Variants in FAM131B observed in about 807,000 individuals in gnomAD.
FAM131B encodes family with sequence similarity 131 member B, also known as protein FAM131B.
FAM131B carries 19 observed loss-of-function variants against 42.0 expected under a neutral mutation model. The ratio of observed to expected loss-of-function variants is 0.45; its 90% CI spans 0.32 to 0.66. The LOEUF (loss-of-function observed/expected upper bound fraction) is 0.66. Ranked by LOEUF, FAM131B falls within the 30% of genes least tolerant of loss-of-function variation. The pLI is 0.05. For missense variants in FAM131B, 370 were observed against 468.4 expected (o/e 0.79, Z 1.94); for synonymous variants, 183 against 177.6 (o/e 1.03, Z -0.24).
Position 143,353,521 on chromosome 7 carries a change from A to T in FAM131B, c.*3029T>A, listed in dbSNP as rs1248531886. 6.6e-6 allele frequency: 1 copy of T among 152,418 alleles called. No individual in the cohort carries two copies. The highest frequency in any genetic ancestry group is 1.5e-5 in the Non-Finnish European group (1 of 68,064). The allele number at this position is 152,418 out of a possible 1,614,324, so 9.4% of individuals were successfully genotyped here. On this transcript the variant is annotated 3_prime_UTR_variant, in exon 7 of 7. Coordinates refer to ENST00000443739, the MANE Select transcript of FAM131B (RefSeq NM_001031690.3). ...CCTGGGTGGGGGACTGGCAGTGGGCATTTGAGCCCATGCCCTTGTGTACAT... is the reference window on the plus strand; with the variant it reads ...CCTGGGTGGGGGACTGGCAGTGGGCTTTTGAGCCCATGCCCTTGTGTACAT...
At chr7:143,357,239 C>G in intron 6 of FAM131B, 41 bp downstream of exon 6, 1 of 1,602,576 alleles carries the variant, frequency 6.2e-7, no homozygotes, top group African/African-American at 1.3e-5. Context: ...GTTGGGGAGG[C>G]CTCATAGGCT....
chr7:143,357,824 A>T (rs760154820), intron 5 of FAM131B, among the ~76,000 whole-genome samples: 18 of 152,234 alleles, frequency 1.2e-4, no homozygotes, highest in Non-Finnish European at 1.3e-4. Context: ...TGGACAGCAC[A>T]GCCTTTGTGT....
chr7:143,381,241 T>G, the FAM131B span: 1 of 1,016,548 alleles, frequency 9.8e-7, no homozygotes, highest in Non-Finnish European at 1.2e-6. Context: ...GGGCCGCTCC[T>G]TGTATGGTCT....
Position 143,362,709 on chromosome 7 carries a change from T to A in FAM131B, c.-106A>T. On this transcript the variant is annotated 5_prime_UTR_variant, in exon 1 of 7. Coordinates refer to ENST00000443739, the MANE Select transcript of FAM131B (RefSeq NM_001031690.3). This position sits in a 1 kb window ranked among gnomAD's most constrained non-coding sequence, Gnocchi z 7.7. The stretch of plus-strand genomic sequence containing the variant: ...CAGCCGCTCTGCAGCGCCGCGGCTG[T>A]CTCCGCTCGGCTCCGCTCCCCCCTC... The A allele has an allele frequency of 2.1e-6, 1 of 487,244 alleles. No individual in the cohort carries two copies. The highest frequency in any genetic ancestry group is 3.0e-6 in the Non-Finnish European group (1 of 335,972). The allele number at this position is 487,244 out of a possible 1,614,324, so 30.2% of individuals were successfully genotyped here. A position where few individuals can be genotyped will look rare whatever the true frequency, so the allele number is the denominator to read the frequency against.
Position 143,359,126 on chromosome 7 carries a change from A to G in FAM131B, c.269-102T>C. 1 of 1,261,188 alleles carries G rather than the reference A, an allele frequency of 7.9e-7. No individual in the cohort carries two copies. The highest frequency in any genetic ancestry group is 2.0e-5 in the Admixed American group (1 of 49,826). 78.1% of individuals were successfully genotyped at this position (1,261,188 alleles called of 1,614,324 possible). On this transcript the variant is annotated intron_variant, in intron 4 of 6. Transcript: ENST00000443739. The surrounding 1 kb of genome is among the most constrained non-coding windows in gnomAD (Gnocchi z 5.4). ...CCCCAGCCCCATGAGGCTCCATCCC[A>G]CTGGGCCAGGCTCCCCTAAGGACTC...
chr7:143,371,613 CAAAAAAAAAAA>C, the FAM131B span, among the ~76,000 whole-genome samples: 2 of 75,024 alleles, frequency 2.7e-5, no homozygotes, highest in Non-Finnish European at 5.2e-5. Context: ...GACCCTGTCT[CAAAAAAAAAAA>C]AAAAAAAAAA....
rs926466397 is a variant in FAM131B at position 143,358,532 on chromosome 7, T to C, written c.466+295A>G. ...AAAGACCAAGGTCTCCCCATTTTTTTCCCTGCACTTGAGGGAGTTCAGGTT... is the reference window on the plus strand; with the variant it reads ...AAAGACCAAGGTCTCCCCATTTTTTCCCCTGCACTTGAGGGAGTTCAGGTT... On this transcript the variant is annotated intron_variant, in intron 5 of 6. Transcript: ENST00000443739. This position sits in a 1 kb window ranked among gnomAD's most constrained non-coding sequence, Gnocchi z 4.7. 6.6e-6 allele frequency among the ~76,000 whole-genome samples: 1 copy of C among 152,176 alleles called. No homozygotes were observed. Among genetic ancestry groups the C allele is most frequent in the African/African-American group, 2.4e-5 (1 of 41,446 alleles).
At chr7:143,381,887 G>A in the FAM131B span, 5 of 1,107,330 alleles carry the variant, frequency 4.5e-6, no homozygotes, top group Non-Finnish European at 6.3e-6. Context: ...GGGGCTGGGC[G>A]CAGCCACCCT....
At chr7:143,380,079 A>G in the FAM131B span, 1 of 985,468 alleles carries the variant, frequency 1.0e-6, no homozygotes, top group Non-Finnish European at 1.2e-6. The surrounding 1 kb of genome is among the most constrained non-coding windows in gnomAD (Gnocchi z 5.0). Flanking sequence ...CTCAGTGTGA[A>G]CAAGACGAAG....
rs1803528764 is a variant in FAM131B at position 143,353,830 on chromosome 7, A to T, written c.*2720T>A. On this transcript the variant is annotated 3_prime_UTR_variant, in exon 7 of 7. Transcript: ENST00000443739. ...GGAGGGGGAGGAGTGGAAGATTTGG[A>T]TTTTCATTTAATAAAGTCAATTGAA... 6.6e-6 allele frequency: 1 copy of T among 152,080 alleles called. No individual in the cohort carries two copies. The highest frequency in any genetic ancestry group is 2.4e-5 in the African/African-American group (1 of 41,326). 9.4% of individuals were successfully genotyped at this position (152,080 alleles called of 1,614,324 possible).
At chr7:143,360,204 G>A (rs981723070) in intron 1 of FAM131B, 55 bp from the exon 2 acceptor site, 41 of 1,554,116 alleles carry the variant, frequency 2.6e-5, no homozygotes, top group South Asian at 1.4e-4. Context: ...CAGCCGAGGC[G>A]ACACCCTGGG....
rs1803591570 is a variant in FAM131B at position 143,355,082 on chromosome 7, G to A, written c.*1468C>T. The A allele has an allele frequency of 6.6e-6, 1 of 152,384 alleles. No homozygotes were observed. Among genetic ancestry groups the A allele is most frequent in the Non-Finnish European group, 1.5e-5 (1 of 68,206 alleles). 9.4% of individuals were successfully genotyped at this position (152,384 alleles called of 1,614,324 possible). A position where few individuals can be genotyped will look rare whatever the true frequency, so the allele number is the denominator to read the frequency against. On this transcript the variant is annotated 3_prime_UTR_variant, in exon 7 of 7. Transcript: ENST00000443739. This position sits in a 1 kb window ranked among gnomAD's most constrained non-coding sequence, Gnocchi z 4.1. ...GGGCGTGAGGAAAGAAGGAGATAGG[G>A]CAGTGAGCCTCTTAGGCCTCTCTCT... is the stretch of plus-strand genomic sequence containing the variant.
At chr7:143,381,281 TCTCC>T in the FAM131B span, 1 of 1,071,564 alleles carries the variant, frequency 9.3e-7, no homozygotes, top group Non-Finnish European at 1.1e-6. Flanking sequence ...CCCCCTCTCT[TCTCC>T]CTCCCTCCTC....
the FAM131B span, chr7:143,381,567 C>G: frequency 6.2e-7 from 1 of 1,609,324 alleles, no homozygotes; most frequent in Non-Finnish European, 8.5e-7. Flanking sequence ...CAGCCCGGCC[C>G]GGCCATGGCG....
At position 143,359,698 on chromosome 7, in the gene FAM131B, G is replaced by A; in HGVS notation, c.174+34C>T. 6.4e-7 allele frequency: 1 copy of A among 1,556,288 alleles called. No homozygotes were observed. ...GAGAAGATGAGGAGGAGGAGTTCGG[G>A]AGGATGGGGAGGTCTGGGGGCAGCT... On this transcript the variant is annotated intron_variant, in intron 3 of 6. Transcript: ENST00000443739. The surrounding 1 kb of genome is among the most constrained non-coding windows in gnomAD (Gnocchi z 5.4).
Position 143,356,700 on chromosome 7 carries a change from C to T in FAM131B, c.933G>A (p.Glu311=), listed in dbSNP as rs1458952886. The T allele has an allele frequency of 6.2e-7, 1 of 1,614,146 alleles. No individual in the cohort carries two copies. Among genetic ancestry groups the T allele is most frequent in the Non-Finnish European group, 8.5e-7 (1 of 1,180,030 alleles). Residue 311 remains glutamate (E), a synonymous_variant, in exon 7 of 7, where the codon GAG becomes GAA. Transcript: ENST00000443739. This position sits in a 1 kb window ranked among gnomAD's most constrained non-coding sequence, Gnocchi z 4.4. ...CCCGGCATCCCGCATCCTCTTCCTC[C>T]TCAGGTGCCAATGGCCTCTTCTCCT... is the stretch of plus-strand genomic sequence containing the variant. ...AEEEKRPLAP[E]EEEDAGCRDL... is the part of the protein sequence containing the mutation.
chr7:143,367,604 C>T (rs1375213202), upstream of FAM131B, among the ~76,000 whole-genome samples: 6 of 152,126 alleles, frequency 3.9e-5, no homozygotes, highest in Non-Finnish European at 2.9e-5. Flanking sequence ...ACTCAGGAGG[C>T]TGAGGCAGGA....
the FAM131B span, chr7:143,381,059 C>G: frequency 2.9e-6 from 1 of 350,616 alleles, no homozygotes; most frequent in Admixed American, 6.5e-5. Flanking sequence ...CATCAGAGGC[C>G]TGTGCTCAGG....
chr7:143,368,789 C>G, the FAM131B span, among the ~76,000 whole-genome samples: 1 of 152,182 alleles, frequency 6.6e-6, no homozygotes, highest in Non-Finnish European at 1.5e-5. Context: ...TTTGGGATAT[C>G]CTGCAACTTC....
Sources: gnomAD v4.1 joint callset for allele counts (sites outside exome capture counted in the v4.1 genomes callset) on GRCh38, gnomAD v4.1.1 for gene constraint, Gnocchi (gnomAD v3.1) non-coding constraint, MANE v1.5 for transcripts, NCBI Gene and HGNC (gene_info 2026-07-23, HGNC 2026-07-21) for gene names.